Variants in SLC26A7 observed in about 807,000 individuals in gnomAD.
SLC26A7 encodes the protein solute carrier family 26 member 7.
In SLC26A7, 59 loss-of-function variants were observed where a neutral mutation model predicts 82.5. The ratio of observed to expected loss-of-function variants is 0.72; its 90% CI spans 0.58 to 0.89. The LOEUF is 0.89. SLC26A7 is among the 40% of genes least tolerant of loss of function. The pLI is 0.00. For missense variants in SLC26A7, 820 were observed against 793.0 expected (o/e 1.03, Z -0.41); for synonymous variants, 271 against 274.3 (o/e 0.99, Z 0.12).
At chr8:91,269,262 T>C (rs1232180830) in intron 2 of SLC26A7, among the ~76,000 whole-genome samples, 1 of 151,976 alleles carries the variant, frequency 6.6e-6, no homozygotes, top group African/African-American at 2.4e-5. Flanking sequence ...TAGCATTTTA[T>C]GTAAGGCAGG....
At chr8:91,296,870 A>G (rs554538024) in intron 4 of SLC26A7, among the ~76,000 whole-genome samples, 1 of 152,244 alleles carries the variant, frequency 6.6e-6, no homozygotes, top group African/African-American at 2.4e-5. Context: ...TGAGGCTTGC[A>G]CAGACAGGCT....
chr8:91,343,862 T>C (rs1180846088), intron 9 of SLC26A7: 7 of 359,222 alleles, frequency 1.9e-5, no homozygotes, highest in Non-Finnish European at 2.7e-5. Context: ...CTGAAAGTTC[T>C]ATCTATAGAT....
intron 2 of SLC26A7, among the ~76,000 whole-genome samples, chr8:91,230,946 G>T (rs570189684): frequency 2.6e-5 from 4 of 151,798 alleles, no homozygotes; most frequent in Admixed American, 2.6e-4. Flanking sequence ...CCATGAGATA[G>T]ATTTAGAAGA....
intron 2 of SLC26A7, among the ~76,000 whole-genome samples, chr8:91,241,985 A>G (rs1301354221): frequency 6.6e-6 from 1 of 152,186 alleles, no homozygotes; most frequent in East Asian, 1.9e-4. Flanking sequence ...GTCAAACACT[A>G]TTTGGCAGTG....
At position 91,267,992 on chromosome 8, in the gene SLC26A7, T is replaced by C. The variant is rs192608249; in HGVS notation, c.193+18148T>C. Among the ~76,000 whole-genome samples, 39 of 152,028 alleles carry C rather than the reference T, an allele frequency of 2.6e-4. No individual in the cohort carries two copies. In the East Asian group the frequency reaches 7.1e-3, roughly 28 times the overall value. ...GGAATTTTTAATTACCTTTTAAATT[T>C]CTTCATTGATGCATTATTATTCAGG... On this transcript the variant is annotated intron_variant, in intron 2 of 18. Transcript: ENST00000276609.
chr8:91,317,189 GT>G (rs1812661242), intron 4 of SLC26A7, among the ~76,000 whole-genome samples: 3 of 151,490 alleles, frequency 2.0e-5, no homozygotes, highest in Non-Finnish European at 4.4e-5. Context: ...AAAGAGAAGA[GT>G]TTTGCTGCTT....
At chr8:91,278,285 A>G (rs1380175760) in intron 2 of SLC26A7, among the ~76,000 whole-genome samples, 1 of 152,118 alleles carries the variant, frequency 6.6e-6, no homozygotes, top group Non-Finnish European at 1.5e-5. Context: ...GAGCTCTTGC[A>G]GAGCTGCAAG....
At chr8:91,350,031 A>G (rs1813670142) in intron 9 of SLC26A7, among the ~76,000 whole-genome samples, 2 of 152,164 alleles carry the variant, frequency 1.3e-5, no homozygotes, top group Admixed American at 1.3e-4. Flanking sequence ...TTGGTGTACT[A>G]TAACTTTTTT....
intron 2 of SLC26A7, among the ~76,000 whole-genome samples, chr8:91,260,268 A>G (rs914826322): frequency 6.6e-6 from 1 of 152,122 alleles, no homozygotes; most frequent in East Asian, 1.9e-4. Context: ...GGAAACTGCT[A>G]TTTATAAAAC....
intron 2 of SLC26A7, among the ~76,000 whole-genome samples, chr8:91,278,470 C>T (rs1051508947): frequency 6.6e-5 from 10 of 152,110 alleles, no homozygotes; most frequent in Non-Finnish European, 1.5e-4. Context: ...GAAGTATATA[C>T]TATATATGTA....
At chr8:91,290,862 G>A (rs574261375) in intron 3 of SLC26A7, among the ~76,000 whole-genome samples, 2 of 152,222 alleles carry the variant, frequency 1.3e-5, no homozygotes, top group South Asian at 4.2e-4. Flanking sequence ...ATGAGGGAAG[G>A]AACAACACTT....
intron 4 of SLC26A7, among the ~76,000 whole-genome samples, chr8:91,309,996 G>T (rs1037259954): frequency 6.6e-6 from 1 of 152,134 alleles, no homozygotes; most frequent in Non-Finnish European, 1.5e-5. Context: ...GCATGGTTGG[G>T]CCCACTTGCT....
rs1411925492 is a variant in SLC26A7 at position 91,396,818 on chromosome 8, G to A, written c.*1721G>A. On this transcript the variant is annotated 3_prime_UTR_variant, in exon 19 of 19. Coordinates refer to ENST00000276609, the MANE Select transcript of SLC26A7 (RefSeq NM_052832.4). ...TTTGTCCAATTAAATTATTCCAATG[G>A]CGGATGGTAATATTCACCATCTCTA... 1 of 151,964 alleles carries A rather than the reference G, an allele frequency of 6.6e-6. No individual in the cohort carries two copies. The highest frequency in any genetic ancestry group is 1.5e-5 in the Non-Finnish European group (1 of 67,902). 9.4% of individuals were successfully genotyped at this position (151,964 alleles called of 1,614,324 possible).
In SLC26A7 at chr8:91,289,168, C is replaced by A; in HGVS notation, c.226C>A (p.Pro76Thr). ...LAFAVLSSVH[P>T]VFGLYGSLFP... ...CTTTGCTGTTCTCTCATCTGTGCACCCAGTGTTTGGTTTATATGGGTCTCT... is the reference window on the plus strand; with the variant it reads ...CTTTGCTGTTCTCTCATCTGTGCACACAGTGTTTGGTTTATATGGGTCTCT... Residue 76 changes from proline to threonine, a missense_variant, in exon 3 of 19, where the codon CCA (proline) becomes ACA (threonine). Transcript: ENST00000276609. 1 of 1,613,890 alleles carries A rather than the reference C, an allele frequency of 6.2e-7. No homozygotes were observed. Among genetic ancestry groups the A allele is most frequent in the Non-Finnish European group, 8.5e-7 (1 of 1,179,932 alleles).
intron 4 of SLC26A7, among the ~76,000 whole-genome samples, chr8:91,308,186 G>A (rs1021181521): frequency 1.3e-5 from 2 of 151,688 alleles, no homozygotes; most frequent in South Asian, 4.2e-4. Flanking sequence ...CCCCTCAATC[G>A]GGATATGTTT....
intron 2 of SLC26A7, among the ~76,000 whole-genome samples, chr8:91,254,845 C>A (rs1018121307): frequency 1.3e-5 from 2 of 152,108 alleles, no homozygotes; most frequent in African/African-American, 4.8e-5. Context: ...TATTTAGTAT[C>A]TGCCATGATG....
chr8:91,390,213 A>C (rs562143875), intron 16 of SLC26A7, among the ~76,000 whole-genome samples: 1 of 149,002 alleles, frequency 6.7e-6, no homozygotes, highest in African/African-American at 2.5e-5. Context: ...GCCTCCTGGG[A>C]TCACGCCATT....
At chr8:91,245,639 T>C (rs1338238102), upstream of SLC26A7, among the ~76,000 whole-genome samples, 3 of 152,282 alleles carry the variant, frequency 2.0e-5, no homozygotes, top group South Asian at 2.1e-4. Flanking sequence ...GTAACCTCGA[T>C]ATAAATCAGT....
chr8:91,236,175 A>G (rs1311893713), intron 2 of SLC26A7, among the ~76,000 whole-genome samples: 2 of 152,242 alleles, frequency 1.3e-5, no homozygotes, highest in Admixed American at 1.3e-4. Flanking sequence ...AAAGAAAAGC[A>G]TAGATATTCT....
Sources: gnomAD v4.1 joint callset for allele counts (sites outside exome capture counted in the v4.1 genomes callset) on GRCh38, gnomAD v4.1.1 for gene constraint, MANE v1.5 for transcripts, NCBI Gene and HGNC (gene_info 2026-07-23, HGNC 2026-07-21) for gene names.